The following PLXDC2 variants were observed in gnomAD, a reference collection of about 807,000 sequenced individuals.
PLXDC2 encodes plexin domain containing 2, also known as plexin domain-containing protein 2.
A neutral mutation model predicts 68.9 loss-of-function variants in PLXDC2; 40 were observed. That is an observed-to-expected ratio of 0.58 (90% CI 0.45 to 0.76). PLXDC2 has a LOEUF of 0.76. Among genes scored for constraint, PLXDC2 ranks in the 30% least tolerant of loss-of-function variants. The pLI is 0.00. For missense variants in PLXDC2, 644 were observed against 661.9 expected (o/e 0.97, Z 0.30); for synonymous variants, 243 against 234.2 (o/e 1.04, Z -0.34).
At chr10:20,126,935 G>A (rs1232089945) in intron 4 of PLXDC2, among the ~76,000 whole-genome samples, 2 of 147,866 alleles carry the variant, frequency 1.4e-5, no homozygotes, top group African/African-American at 2.5e-5. Flanking sequence ...TATATATTAT[G>A]TATATATTGT....
At chr10:19,999,767 G>A (rs1264400758) in intron 1 of PLXDC2, among the ~76,000 whole-genome samples, 1 of 152,158 alleles carries the variant, frequency 6.6e-6, no homozygotes, top group Non-Finnish European at 1.5e-5. Flanking sequence ...GTTTGGTAAT[G>A]AAGCAGGATA....
chr10:20,024,260 G>A (rs149687745), intron 2 of PLXDC2, among the ~76,000 whole-genome samples: 1 of 152,316 alleles, frequency 6.6e-6, no homozygotes, highest in East Asian at 1.9e-4. Context: ...AACCAAATAT[G>A]TGTTGAATTT....
chr10:20,108,701 G>C (rs757187835), intron 4 of PLXDC2, among the ~76,000 whole-genome samples: 1 of 152,058 alleles, frequency 6.6e-6, no homozygotes, highest in Non-Finnish European at 1.5e-5. Context: ...TTAAATTGAG[G>C]TTATGTCACT....
At chr10:19,845,370 G>T (rs571954786) in intron 1 of PLXDC2, among the ~76,000 whole-genome samples, 7 of 152,130 alleles carry the variant, frequency 4.6e-5, no homozygotes, top group African/African-American at 1.7e-4. Context: ...AAGCAGGAGG[G>T]GAAGTGTCAC....
Position 20,095,175 on chromosome 10 carries a change from A to G in PLXDC2, c.541+26936A>G, listed in dbSNP as rs1322118876. On this transcript the variant is annotated intron_variant, in intron 4 of 13. Transcript: ENST00000377252. ...ATCAATATTTTAAATTATTAATGGT[A>G]TAAGTTTTTTGTTTCTTTTCTTGTG... 2.6e-5 allele frequency among the ~76,000 whole-genome samples: 4 copies of G among 152,192 alleles called. No individual in the cohort carries two copies. The East Asian group carries it at 7.7e-4, about 29-fold the overall frequency.
At chr10:20,123,087 G>A (rs1833722134) in intron 4 of PLXDC2, among the ~76,000 whole-genome samples, 1 of 152,176 alleles carries the variant, frequency 6.6e-6, no homozygotes, top group African/African-American at 2.4e-5. Context: ...GCAGGTGGGG[G>A]AGGGCTAGTC....
intron 2 of PLXDC2, among the ~76,000 whole-genome samples, chr10:20,009,958 G>A (rs997989467): frequency 6.6e-6 from 1 of 151,996 alleles, no homozygotes; most frequent in Non-Finnish European, 1.5e-5. Context: ...ATTTAGATTA[G>A]AATTGTTGTG....
At chr10:20,195,569 TA>T (rs1834826620) in intron 9 of PLXDC2, among the ~76,000 whole-genome samples, 1 of 152,110 alleles carries the variant, frequency 6.6e-6, no homozygotes, top group East Asian at 1.9e-4. Context: ...AAAAACAGAG[TA>T]AAGTTTATGC....
chr10:20,217,330 AG>A, intron 10 of PLXDC2, 95 bp from the exon 11 acceptor site: 1 of 1,065,992 alleles, frequency 9.4e-7, no homozygotes, highest in Non-Finnish European at 1.3e-6. Context: ...TTGATATGAG[AG>A]GCTTTTGTGC....
chr10:20,122,948 G>A (rs1833719348), intron 4 of PLXDC2, among the ~76,000 whole-genome samples: 1 of 152,202 alleles, frequency 6.6e-6, no homozygotes, highest in Admixed American at 6.5e-5. Flanking sequence ...AACGAGTCAT[G>A]AGCTGGGCTG....
chr10:19,842,769 A>T (rs1836933564), intron 1 of PLXDC2, among the ~76,000 whole-genome samples: 1 of 152,200 alleles, frequency 6.6e-6, no homozygotes, highest in African/African-American at 2.4e-5. Flanking sequence ...TTTTCCTCGT[A>T]TATGGGTTAA....
At chr10:20,083,149 G>C (rs1836603631) in intron 4 of PLXDC2, among the ~76,000 whole-genome samples, 1 of 152,096 alleles carries the variant, frequency 6.6e-6, no homozygotes, top group South Asian at 2.1e-4. Context: ...GGAAAGAGAT[G>C]TAATTTTCAC....
At chr10:20,125,142 A>T (rs573764736) in intron 4 of PLXDC2, among the ~76,000 whole-genome samples, 1 of 152,114 alleles carries the variant, frequency 6.6e-6, no homozygotes, top group African/African-American at 2.4e-5. Context: ...ACATTGTGAC[A>T]ATCAACCCCC....
chr10:20,008,780 G>A (rs1172916619), intron 2 of PLXDC2, among the ~76,000 whole-genome samples: 1 of 152,096 alleles, frequency 6.6e-6, no homozygotes, highest in African/African-American at 2.4e-5. Flanking sequence ...ATAGGGGCAG[G>A]CTCTTCCCAT....
intron 2 of PLXDC2, among the ~76,000 whole-genome samples, chr10:20,041,693 G>A (rs7069277): frequency 0.84 from 127,006 of 152,020 alleles, 53,369 homozygotes; most frequent in African/African-American, 0.9. Flanking sequence ...ACCAAAGATG[G>A]CAGGCTAGGT....
In PLXDC2 at chr10:20,236,067, G is replaced by T. The variant is rs141163612; in HGVS notation, c.1313-9278G>T. 6.2e-4 allele frequency among the ~76,000 whole-genome samples: 94 copies of T among 152,268 alleles called. 1 individual carries two copies. The highest frequency in any genetic ancestry group is 2.2e-3 in the African/African-American group (92 of 41,564). On this transcript the variant is annotated intron_variant, in intron 12 of 13. Coordinates refer to ENST00000377252, the MANE Select transcript of PLXDC2 (RefSeq NM_032812.9). ...AACCTCTTTGGTTTCATATTTAGCT[G>T]AAAACGTTGGGTACTAGGATTTTCT...
rs138857590 is a variant in PLXDC2 at position 19,838,988 on chromosome 10, C to G, written c.112+21797C>G. 1.5e-4 allele frequency among the ~76,000 whole-genome samples: 23 copies of G among 152,158 alleles called. No individual in the cohort carries two copies. In the East Asian group the frequency reaches 3.3e-3, roughly 22 times the overall value. On this transcript the variant is annotated intron_variant, in intron 1 of 13. Transcript: ENST00000377252. ...ATCACCTAAGGCCAGGAGTTCAAGACCAGCCTGGCCAACATGGTGAAACCC... is the reference window on the plus strand; with the variant it reads ...ATCACCTAAGGCCAGGAGTTCAAGAGCAGCCTGGCCAACATGGTGAAACCC...
intron 10 of PLXDC2, among the ~76,000 whole-genome samples, chr10:20,213,437 A>T (rs1835095541): frequency 6.6e-6 from 1 of 152,056 alleles, no homozygotes; most frequent in Admixed American, 6.6e-5. Flanking sequence ...ATTGTTTTAT[A>T]AGAAATCTTA....
At chr10:20,044,207 C>CTCTGTCTGTCTG (rs1249614464) in intron 2 of PLXDC2, among the ~76,000 whole-genome samples, 1 of 89,958 alleles carries the variant, frequency 1.1e-5, no homozygotes, top group African/African-American at 4.9e-5. Flanking sequence ...CTCTCTCTCT[C>CTCTGTCTGTCTG]TCTGTCTTTC....
Sources: gnomAD v4.1 joint callset for allele counts (sites outside exome capture counted in the v4.1 genomes callset) on GRCh38, gnomAD v4.1.1 for gene constraint, MANE v1.5 for transcripts, NCBI Gene and HGNC (gene_info 2026-07-23, HGNC 2026-07-21) for gene names.